Variants in TRRAP observed in about 807,000 individuals in gnomAD.
TRRAP encodes transformation/transcription domain-associated protein.
A neutral mutation model predicts 438.8 loss-of-function variants in TRRAP; 41 were observed. That is an observed-to-expected ratio of 0.09 (90% CI 0.07 to 0.12). The LOEUF (loss-of-function observed/expected upper bound fraction) is 0.12, where lower values mean the gene tolerates loss of function less well. Ranked by LOEUF, TRRAP falls within the 10% of genes least tolerant of loss-of-function variation. The pLI is 1.00. For missense variants in TRRAP, 3,122 were observed against 5,055.1 expected, an observed-to-expected ratio of 0.62 and a Z score of 11.60; for synonymous variants, 1,994 against 1,962.9, an observed-to-expected ratio of 1.02 and a Z score of -0.42.
chr7:98,985,501 G>C (rs2116770844), intron 62 of TRRAP, among the ~76,000 whole-genome samples: 1 of 152,374 alleles, frequency 6.6e-6, no homozygotes, highest in East Asian at 1.9e-4. Context: ...CTTTACTGCA[G>C]AGTTGAGGAG....
chr7:98,949,283 G>A, intron 35 of TRRAP, 134 bp from the exon 36 acceptor site: 1 of 1,107,544 alleles, frequency 9.0e-7, no homozygotes, highest in Non-Finnish European at 1.2e-6. Context: ...TGCGTGTGGT[G>A]CTTTTTTGGT....
chr7:98,956,544 G>A lies in TRRAP; in HGVS notation c.6231+11G>A. 6.2e-7 allele frequency: 1 copy of A among 1,611,418 alleles called. No homozygotes were observed. Among genetic ancestry groups the A allele is most frequent in the South Asian group, 1.1e-5 (1 of 90,468 alleles). ...GGAGCCATCAGTGCAGTAAGATCAT[G>A]TGCCTCTGTATGGGTGCTGCGCATT... On this transcript the variant is annotated intron_variant, in intron 43 of 72. Coordinates refer to ENST00000456197, the MANE Select transcript of TRRAP (RefSeq NM_001375524.1). This position sits in a 1 kb window ranked among gnomAD's most constrained non-coding sequence, Gnocchi z 4.5.
chr7:98,931,228 T>G (rs1790308963), intron 25 of TRRAP, among the ~76,000 whole-genome samples, 177 bp from the exon 26 acceptor site: 1 of 152,234 alleles, frequency 6.6e-6, no homozygotes, highest in African/African-American at 2.4e-5. Flanking sequence ...ATTTTCTGAT[T>G]AGGTGACTTA....
Position 98,915,791 on chromosome 7 carries a change from C to T in TRRAP, c.2268C>T (p.Tyr756=). Residue 756 remains tyrosine (Y), a synonymous_variant, in exon 19 of 73, where the codon TAC becomes TAT. Coordinates refer to ENST00000456197, the MANE Select transcript of TRRAP (RefSeq NM_001375524.1). ...AGACTGCCAAGGAACCCTACAACTA[C>T]TTCTTGCTGCTACGGGCGCTGTTTC... ...LAQTAKEPYN[Y]FLLLRALFRS... is the part of the protein sequence containing the mutation. 6.2e-7 allele frequency: 1 copy of T among 1,614,236 alleles called. No homozygotes were observed. The highest frequency in any genetic ancestry group is 1.3e-5 in the African/African-American group (1 of 75,058).
At chr7:98,982,291 G>A (rs1376046989) in intron 59 of TRRAP, among the ~76,000 whole-genome samples, 1 of 152,124 alleles carries the variant, frequency 6.6e-6, no homozygotes, top group Non-Finnish European at 1.5e-5. Flanking sequence ...GCGGGAGCTG[G>A]AGGGACAGGG....
chr7:98,915,603 G>A (rs1159438277), intron 18 of TRRAP, 120 bp from the exon 19 acceptor site: 2 of 1,265,440 alleles, frequency 1.6e-6, no homozygotes, highest in Non-Finnish European at 2.2e-6. Flanking sequence ...TTTTCCCTTT[G>A]GAGTAAACAC....
At chr7:98,900,487 A>G (rs1290254404) in intron 10 of TRRAP, 137 bp from the exon 11 acceptor site, 2 of 663,014 alleles carry the variant, frequency 3.0e-6, no homozygotes, top group Non-Finnish European at 2.5e-6. Flanking sequence ...AGGTGTAGAC[A>G]CCTTTGCTAT....
In TRRAP at chr7:98,962,249, C is replaced by T. The variant is rs1791930905; in HGVS notation, c.6704-53C>T. ...CAGCACTCAGTCCCTGGCATCAGCA[C>T]TGGTGGGCCCAAGAGCCATAACCAC... On this transcript the variant is annotated intron_variant, in intron 46 of 72. Coordinates refer to ENST00000456197, the MANE Select transcript of TRRAP (RefSeq NM_001375524.1). 7.4e-6 allele frequency: 12 copies of T among 1,612,408 alleles called. No individual in the cohort carries two copies. In the East Asian group the frequency reaches 2.2e-4, roughly 30 times the overall value.
At position 98,961,325 on chromosome 7, in the gene TRRAP, T is replaced by C. The variant is rs199763090; in HGVS notation, c.6554T>C (p.Leu2185Pro). ...GGCCTAGAAGTGCTGAGCTTCCTGCTAACTGTCCTCCAGTCCCCAGCCATC... is the reference window on the plus strand; with the variant it reads ...GGCCTAGAAGTGCTGAGCTTCCTGCCAACTGTCCTCCAGTCCCCAGCCATC... Reference protein sequence around the residue: ...CTGLEVLSFLLTVLQSPAILS... With the variant: ...CTGLEVLSFLPTVLQSPAILS... Residue 2185 changes from leucine to proline, a missense_variant, in exon 46 of 73, where the codon CTA (leucine) becomes CCA (proline). Leu to Pro is a moderately conservative substitution (Grantham distance 98, BLOSUM62 -3). This residue lies in a region of TRRAP where 992 missense variants were observed against 1,281.2 expected (regional missense o/e 0.77). Coordinates refer to ENST00000456197, the MANE Select transcript of TRRAP (RefSeq NM_001375524.1). The C allele has an allele frequency of 8.7e-6, 14 of 1,614,238 alleles. No individual in the cohort carries two copies. The Admixed American group carries it at 2.3e-4, about 27-fold the overall frequency.
chr7:99,005,353 G>C lies in TRRAP; in HGVS notation c.10753+5G>C. On this transcript the variant is annotated splice_donor_5th_base_variant and intron_variant, in intron 69 of 72. Coordinates refer to ENST00000456197, the MANE Select transcript of TRRAP (RefSeq NM_001375524.1). The surrounding 1 kb of genome is among the most constrained non-coding windows in gnomAD (Gnocchi z 5.1). ...AGAGGCACTTGTTTTTCACAGGTAG[G>C]GTTGAGAGCCACAGCTCGCTGGGTA... is the stretch of plus-strand genomic sequence containing the variant. The C allele has an allele frequency of 6.2e-7, 1 of 1,613,832 alleles. No individual in the cohort carries two copies. The highest frequency in any genetic ancestry group is 8.5e-7 in the Non-Finnish European group (1 of 1,179,960).
At chr7:99,010,983 T>C in intron 70 of TRRAP, 69 bp from the exon 71 acceptor site, 1 of 1,477,850 alleles carries the variant, frequency 6.8e-7, no homozygotes, top group Admixed American at 2.0e-5. Flanking sequence ...GAATTGCAAT[T>C]TGAGAATTTT....
chr7:98,906,594 G>A (rs1796747153), intron 13 of TRRAP, among the ~76,000 whole-genome samples: 1 of 151,830 alleles, frequency 6.6e-6, no homozygotes, highest in East Asian at 1.9e-4. Flanking sequence ...CACCATGCCT[G>A]GCTAATTTTT....
In TRRAP at chr7:98,951,016, A is replaced by G. The variant is rs1273045518; in HGVS notation, c.5463+12A>G. ...TGTTTATTACCAAGGTGGTATCACTATGTGTGTGGGTGTGAGAAGTAGCCT... is the reference window on the plus strand; with the variant it reads ...TGTTTATTACCAAGGTGGTATCACTGTGTGTGTGGGTGTGAGAAGTAGCCT... On this transcript the variant is annotated intron_variant, in intron 39 of 72. Transcript: ENST00000456197. 3.2e-6 allele frequency: 5 copies of G among 1,566,202 alleles called. No homozygotes were observed. Among genetic ancestry groups the G allele is most frequent in the Non-Finnish European group, 4.3e-6 (5 of 1,156,650 alleles).
chr7:98,982,485 T>C (rs1054767536), intron 59 of TRRAP, among the ~76,000 whole-genome samples: 7 of 152,230 alleles, frequency 4.6e-5, no homozygotes, highest in African/African-American at 1.7e-4. Context: ...AAAGGAGCAT[T>C]GAACCTGAGA....
rs1343489068 is a variant in TRRAP, at chr7:98,964,666, C to T, written c.6867C>T (p.Asn2289=). Reference sequence around the variant, plus strand: ...TCCTCAAGTCTGCCTGCAGCAACAACCCCAGCTACATAGACAGGCTGATCT... The same window carrying T: ...TCCTCAAGTCTGCCTGCAGCAACAATCCCAGCTACATAGACAGGCTGATCT... The part of the protein sequence containing the change: ...LMILKSACSN[N]PSYIDRLISV... Residue 2289 remains asparagine (N), a synonymous_variant, in exon 48 of 73, where the codon AAC becomes AAT. Coordinates refer to ENST00000456197, the MANE Select transcript of TRRAP (RefSeq NM_001375524.1). 1 of 1,614,032 alleles carries T rather than the reference C, an allele frequency of 6.2e-7. No individual in the cohort carries two copies. Among genetic ancestry groups the T allele is most frequent in the South Asian group, 1.1e-5 (1 of 91,024 alleles).
chr7:98,948,716 T>G lies in TRRAP; in HGVS notation c.4788+31T>G. The stretch of plus-strand genomic sequence containing the variant: ...AGCTGTGAGCAGCTGGAGTCAGGGG[T>G]CCCTTCAAATGCTTGTGAGCTGTCG... On this transcript the variant is annotated intron_variant, in intron 35 of 72. Coordinates refer to ENST00000456197, the MANE Select transcript of TRRAP (RefSeq NM_001375524.1). The surrounding 1 kb of genome is among the most constrained non-coding windows in gnomAD (Gnocchi z 4.9). The G allele has an allele frequency of 1.2e-6, 2 of 1,613,816 alleles. No individual in the cohort carries two copies. The highest frequency in any genetic ancestry group is 4.5e-5 in the East Asian group (2 of 44,878).
chr7:98,883,470 A>C (rs1554403479), intron 3 of TRRAP, among the ~76,000 whole-genome samples: 1 of 152,160 alleles, frequency 6.6e-6, no homozygotes, highest in African/African-American at 2.4e-5. Context: ...GGATATATGA[A>C]GGTCAATTTC....
chr7:98,904,267 A>T (rs1395343810), intron 12 of TRRAP, among the ~76,000 whole-genome samples: 2 of 151,982 alleles, frequency 1.3e-5, no homozygotes, highest in Non-Finnish European at 2.9e-5. Flanking sequence ...GCGGATCACG[A>T]GGTCAGGAGA....
In TRRAP at chr7:98,978,825, G is replaced by T. The variant is rs754771691; in HGVS notation, c.8555G>T (p.Gly2852Val). The T allele has an allele frequency of 1.2e-5, 19 of 1,614,222 alleles. No homozygotes were observed. Among genetic ancestry groups the T allele is most frequent in the Non-Finnish European group, 1.5e-5 (18 of 1,180,044 alleles). ...EALTEYGQSK[G>V]HINPYLVLEC... The stretch of plus-strand genomic sequence containing the variant: ...CTGACGGAGTACGGTCAGTCCAAAG[G>T]CCACATCAACCCCTACCTCGTCCTG... The change falls in exon 58 of 73, where the codon GGC becomes GTC. Residue 2852 changes from glycine to valine, a missense_variant. Gly to Val is a moderately radical substitution (Grantham distance 109). Transcript: ENST00000456197.
Sources: gnomAD v4.1 joint callset for allele counts (sites outside exome capture counted in the v4.1 genomes callset) on GRCh38, gnomAD v4.1.1 for gene constraint, gnomAD v4.1.1 regional missense constraint, Gnocchi (gnomAD v3.1) non-coding constraint, MANE v1.5 for transcripts, NCBI Gene and HGNC (gene_info 2026-07-23, HGNC 2026-07-21) for gene names.